The following WDR43 variants were observed in gnomAD, a reference collection of about 807,000 sequenced individuals.
WDR43 encodes WD repeat-containing protein 43.
A neutral mutation model predicts 91.4 loss-of-function variants in WDR43; 13 were observed. The observed-to-expected ratio is 0.14, with a 90% CI of 0.09 to 0.23. The LOEUF (loss-of-function observed/expected upper bound fraction) is 0.23. Ranked by LOEUF, WDR43 falls within the 10% of genes least tolerant of loss-of-function variation. The probability of loss-of-function intolerance (pLI) is 1.00; values close to 1 mark genes in which losing one functional copy is unlikely to be tolerated. For synonymous variants in WDR43, 331 were observed against 287.9 expected, an observed-to-expected ratio of 1.15 and a Z score of -1.51; for missense variants, 780 against 809.4, an observed-to-expected ratio of 0.96 and a Z score of 0.44.
intron 13 of WDR43, 69 bp downstream of exon 13, chr2:28,937,022 G>T: frequency 7.0e-7 from 1 of 1,438,726 alleles, no homozygotes; most frequent in South Asian, 1.3e-5. Flanking sequence ...AGGTGGTTCT[G>T]ATTTCTAACT....
chr2:28,944,249 A>G (rs1336980706), intron 16 of WDR43, among the ~76,000 whole-genome samples: 1 of 149,882 alleles, frequency 6.7e-6, no homozygotes, highest in African/African-American at 2.5e-5. Flanking sequence ...ATTTTAGTGT[A>G]TGTGCTGCCG....
chr2:28,905,394 A>G (rs1298531051), intron 2 of WDR43, among the ~76,000 whole-genome samples: 3 of 152,172 alleles, frequency 2.0e-5, no homozygotes, highest in Admixed American at 6.6e-5. Context: ...GCATCTTGCT[A>G]TGCTGTAAAT....
At chr2:28,910,749 G>A (rs1216918209) in intron 3 of WDR43, among the ~76,000 whole-genome samples, 1 of 151,080 alleles carries the variant, frequency 6.6e-6, no homozygotes, top group African/African-American at 2.4e-5. Context: ...CCCAGGTGGA[G>A]TGCAGCAGTG....
chr2:28,909,778 G>A (rs985969751), intron 3 of WDR43, among the ~76,000 whole-genome samples: 1 of 152,188 alleles, frequency 6.6e-6, no homozygotes, highest in Non-Finnish European at 1.5e-5. Context: ...AGAGGCTGGG[G>A]CAGGAGGGTC....
At chr2:28,905,866 C>A (rs1380133662) in intron 2 of WDR43, among the ~76,000 whole-genome samples, 1 of 151,916 alleles carries the variant, frequency 6.6e-6, no homozygotes, top group East Asian at 1.9e-4. Context: ...GGAGTTTTGC[C>A]ATGTTGGTCA....
intron 13 of WDR43, 125 bp from the exon 14 acceptor site, chr2:28,937,806 T>C: frequency 2.3e-6 from 2 of 851,238 alleles, no homozygotes; most frequent in Non-Finnish European, 3.8e-6. Context: ...GTGATATATT[T>C]ATTACAGTCA....
At chr2:28,899,518 A>C (rs1396171637) in intron 1 of WDR43, among the ~76,000 whole-genome samples, 1 of 152,230 alleles carries the variant, frequency 6.6e-6, no homozygotes, top group Non-Finnish European at 1.5e-5. Flanking sequence ...ATTGGAGATA[A>C]GACTAGAGAA....
chr2:28,906,335 G>A (rs1285387420), intron 2 of WDR43, 125 bp from the exon 3 acceptor site: 50 of 901,108 alleles, frequency 5.5e-5, no homozygotes, highest in South Asian at 4.3e-4. Flanking sequence ...AAATATCCAC[G>A]TGTGGGCCAG....
chr2:28,897,786 T>C (rs915486180), intron 1 of WDR43, among the ~76,000 whole-genome samples: 1 of 152,146 alleles, frequency 6.6e-6, no homozygotes, highest in African/African-American at 2.4e-5. Context: ...TTAGAAAAAT[T>C]AGATTGTCAC....
intron 3 of WDR43, among the ~76,000 whole-genome samples, chr2:28,908,278 G>A (rs1670722457): frequency 6.6e-6 from 1 of 152,210 alleles, no homozygotes; most frequent in Admixed American, 6.5e-5. Flanking sequence ...TTATGTGAAA[G>A]ATAAGACCCA....
intron 8 of WDR43, 40 bp from the exon 9 acceptor site, chr2:28,926,428 T>C (rs985647018): frequency 7.0e-7 from 1 of 1,419,144 alleles, no homozygotes; most frequent in Admixed American, 2.6e-5. Context: ...TTTTTTTTTC[T>C]TTCCTCTCAT....
At position 28,913,887 on chromosome 2, in the gene WDR43, A is replaced by T. The variant is rs1572587334; in HGVS notation, c.607-182A>T. 6.4e-6 allele frequency: 5 copies of T among 780,568 alleles called. No individual in the cohort carries two copies. In the East Asian group the frequency reaches 1.1e-4, roughly 16 times the overall value. The allele number at this position is 780,568 out of a possible 1,614,324, so 48.4% of individuals were successfully genotyped here. ...TCAGTATTTTCAGATGGATTTTTTTAAAAAGTGGGAGAATTATAGCACAAA... is the reference window on the plus strand; with the variant it reads ...TCAGTATTTTCAGATGGATTTTTTTTAAAAGTGGGAGAATTATAGCACAAA... On this transcript the variant is annotated intron_variant, in intron 4 of 17. Coordinates refer to ENST00000407426, the MANE Select transcript of WDR43 (RefSeq NM_015131.3).
chr2:28,911,371 G>A (rs539857380), intron 3 of WDR43, among the ~76,000 whole-genome samples: 141 of 150,754 alleles, frequency 9.4e-4, no homozygotes, highest in African/African-American at 3.4e-3. Context: ...TCAGCTCACT[G>A]CAAGCTCCGC....
chr2:28,942,127 A>G (rs1292801723), intron 15 of WDR43, among the ~76,000 whole-genome samples, 185 bp from the exon 16 acceptor site: 1 of 152,212 alleles, frequency 6.6e-6, no homozygotes, highest in East Asian at 1.9e-4. Context: ...TTTCAGCTTT[A>G]CAGAGTAATT....
chr2:28,897,250 A>G (rs66768547), intron 1 of WDR43, among the ~76,000 whole-genome samples: 39,290 of 152,150 alleles, frequency 0.26, 6,290 homozygotes, highest in East Asian at 0.77. Context: ...ATATTATGGT[A>G]TAAAATTAAA....
chr2:28,894,870 C>G lies in WDR43; in HGVS notation c.172C>G (p.Leu58Val). ...CCAGGAGTACGTGCCTTCCGCGCAC[C>G]TCAGTGGTACCTGCACCTGTCTGGC... ...LHQEYVPSAH[L>V]SGTCTCLAWA... The change falls in exon 1 of 18, where the codon CTC becomes GTC. Residue 58 changes from leucine (L) to valine (V), a missense_variant. Around this residue, in one of 4 missense-constraint regions of WDR43, gnomAD observed 175 missense variants for 113.8 expected, o/e 1.54. Transcript: ENST00000407426. The G allele has an allele frequency of 6.2e-7, 1 of 1,609,246 alleles. No individual in the cohort carries two copies. Among genetic ancestry groups the G allele is most frequent in the South Asian group, 1.1e-5 (1 of 90,198 alleles).
rs1671559796 is a variant in WDR43, at chr2:28,947,224, A to G, written c.*445A>G. 6.6e-6 allele frequency: 1 copy of G among 152,444 alleles called. No homozygotes were observed. Among genetic ancestry groups the G allele is most frequent in the Admixed American group, 6.5e-5 (1 of 15,282 alleles). The allele number at this position is 152,444 out of a possible 1,614,324, so 9.4% of individuals were successfully genotyped here. A position where few individuals can be genotyped will look rare whatever the true frequency, so the allele number is the denominator to read the frequency against. On this transcript the variant is annotated 3_prime_UTR_variant, in exon 18 of 18. Coordinates refer to ENST00000407426, the MANE Select transcript of WDR43 (RefSeq NM_015131.3). ...CTAGTGAAAATTTTTTTAATTTAGTACATTTAATTTGGTACATTTTCATAA... is the reference window on the plus strand; with the variant it reads ...CTAGTGAAAATTTTTTTAATTTAGTGCATTTAATTTGGTACATTTTCATAA...
chr2:28,930,679 C>T (rs557299859), intron 11 of WDR43, among the ~76,000 whole-genome samples: 10 of 152,278 alleles, frequency 6.6e-5, no homozygotes, highest in African/African-American at 2.4e-4. Flanking sequence ...CTTAACTGCC[C>T]TCATTGCGTT....
At chr2:28,910,511 G>T (rs895011326) in intron 3 of WDR43, among the ~76,000 whole-genome samples, 2 of 151,768 alleles carry the variant, frequency 1.3e-5, no homozygotes, top group African/African-American at 4.8e-5. Context: ...TGAATTGCCT[G>T]TTTAGTTGTT....
Sources: allele counts gnomAD v4.1 joint callset (sites outside exome capture counted in the v4.1 genomes callset), GRCh38; gene constraint gnomAD v4.1.1; regional missense constraint gnomAD v4.1.1; transcripts MANE v1.5; gene names NCBI Gene and HGNC (gene_info 2026-07-23, HGNC 2026-07-21).